Variants in PRRC2B observed in about 807,000 individuals in gnomAD.
PRRC2B encodes the protein protein PRRC2B.
PRRC2B carries 68 observed loss-of-function variants against 242.3 expected under a neutral mutation model. The ratio of observed to expected loss-of-function variants is 0.28; its 90% CI spans 0.23 to 0.34. The LOEUF is 0.34. Among genes scored for constraint, PRRC2B ranks in the 10% least tolerant of loss-of-function variants. The pLI, the probability that PRRC2B is intolerant of heterozygous loss-of-function variation, is 1.00. For missense variants in PRRC2B, 2,835 were observed against 2,954.8 expected, an observed-to-expected ratio of 0.96 and a Z score of 0.94; for synonymous variants, 1,228 against 1,173.6, an observed-to-expected ratio of 1.05 and a Z score of -0.95.
chr9:131,453,263 C>T lies in PRRC2B; in HGVS notation c.1121-1813C>T, dbSNP rs575833848. 1.8e-3 allele frequency among the ~76,000 whole-genome samples: 270 copies of T among 152,230 alleles called. 5 individuals are homozygous for T. The highest frequency in any genetic ancestry group is 3.5e-4 in the Non-Finnish European group (24 of 68,002). On this transcript the variant is annotated intron_variant, in intron 9 of 31. Coordinates refer to ENST00000683519, the MANE Select transcript of PRRC2B (RefSeq NM_013318.4). ...AGCGAAAATCTTTTTCCATTCTTTT[C>T]CTTTAAGCTCCTTTATGTTTGTATT...
At chr9:131,442,516 G>C (rs116264529) in intron 5 of PRRC2B, among the ~76,000 whole-genome samples, 2 of 152,124 alleles carry the variant, frequency 1.3e-5, no homozygotes, top group Non-Finnish European at 2.9e-5. Context: ...CAGTCTTACC[G>C]TCAGGTTTAT....
chr9:131,402,965 G>C lies in PRRC2B; in HGVS notation c.-52+8702G>C, dbSNP rs74875584. ...GAAGCCGGCGTCAACTTCCCGACACGCTTCAGGATCATCTCTTTGTATAGA... is the reference window on the plus strand; with the variant it reads ...GAAGCCGGCGTCAACTTCCCGACACCCTTCAGGATCATCTCTTTGTATAGA... On this transcript the variant is annotated intron_variant, in intron 1 of 31. Transcript: ENST00000683519. Among the ~76,000 whole-genome samples the C allele has an allele frequency of 9.3e-3, 1,417 of 152,310 alleles. 31 individuals are homozygous for C. Among genetic ancestry groups the C allele is most frequent in the African/African-American group, 0.032 (1,342 of 41,562 alleles).
intron 15 of PRRC2B, among the ~76,000 whole-genome samples, chr9:131,473,979 G>A (rs1049246993): frequency 2.0e-5 from 3 of 152,190 alleles, no homozygotes; most frequent in African/African-American, 7.2e-5. Flanking sequence ...TGGGCACAGG[G>A]CAGGCGGGTG....
chr9:131,445,121 C>G (rs949523300), intron 6 of PRRC2B, among the ~76,000 whole-genome samples: 1 of 152,016 alleles, frequency 6.6e-6, no homozygotes, highest in East Asian at 1.9e-4. Context: ...AACCAGCACT[C>G]ACTGCCTTTC....
chr9:131,413,636 G>T (rs899735298), intron 1 of PRRC2B, among the ~76,000 whole-genome samples: 10 of 150,876 alleles, frequency 6.6e-5, no homozygotes, highest in Admixed American at 6.6e-4. Flanking sequence ...AAAGTGCTGG[G>T]TTACAGGTGT....
chr9:131,405,193 ACAGTG>A (rs768485035), intron 1 of PRRC2B, among the ~76,000 whole-genome samples: 15 of 152,212 alleles, frequency 9.9e-5, no homozygotes, highest in Admixed American at 7.9e-4. Context: ...AGCTCCGTTC[ACAGTG>A]CAGAAGCGGC....
Position 131,475,096 on chromosome 9 carries a change from A to G in PRRC2B, c.2967A>G (p.Glu989=). 6.2e-7 allele frequency: 1 copy of G among 1,611,590 alleles called. No homozygotes were observed. Among genetic ancestry groups the G allele is most frequent in the Non-Finnish European group, 8.5e-7 (1 of 1,178,858 alleles). ...QSPTAEKDED[E]ENDASLANSS... is the part of the protein sequence containing the mutation. ...CCACGGCAGAAAAGGATGAGGACGA[A>G]GAGAACGATGCCTCTCTGGCCAACT... is the stretch of plus-strand genomic sequence containing the variant. Residue 989 remains glutamate (E), a synonymous_variant, in exon 16 of 32, where the codon GAA becomes GAG. Transcript: ENST00000683519.
At chr9:131,419,438 ACAGGTGCCTGGTCTACC>A (rs965282933) in intron 1 of PRRC2B, among the ~76,000 whole-genome samples, 40 of 152,196 alleles carry the variant, frequency 2.6e-4, no homozygotes, top group African/African-American at 9.7e-4. Context: ...AGGTAGAAGC[ACAGGTGCCTGGTCTACC>A]CAGCACCACC....
At chr9:131,407,449 GCTTGGCGTACCTGGGAATGCC>G (rs1837396417) in intron 1 of PRRC2B, among the ~76,000 whole-genome samples, 1 of 151,670 alleles carries the variant, frequency 6.6e-6, no homozygotes, top group Non-Finnish European at 1.5e-5. Context: ...TGAAGTCACA[GCTTGGCGTACCTGGGAATGCC>G]CTTGGCGTAG....
At chr9:131,393,232 T>C (rs370186748), upstream of PRRC2B, among the ~76,000 whole-genome samples, 8 of 152,322 alleles carry the variant, frequency 5.3e-5, no homozygotes, top group African/African-American at 1.7e-4. Flanking sequence ...GCATAGGGCA[T>C]GGCCCGCAGC....
At chr9:131,485,820 A>G in intron 25 of PRRC2B, 2 of 715,030 alleles carry the variant, frequency 2.8e-6, no homozygotes, top group South Asian at 1.4e-5. Flanking sequence ...GGGAGGTGGG[A>G]AGGGTAGGCC....
chr9:131,415,305 C>T lies in PRRC2B; in HGVS notation c.-51-14789C>T, dbSNP rs113737488. ...CCAACAGCAACTATCTTAATAAGAA[C>T]GTTCATTGACTCAAGTAATTGCAAG... On this transcript the variant is annotated intron_variant, in intron 1 of 31. Transcript: ENST00000683519. Among the ~76,000 whole-genome samples the T allele has an allele frequency of 4.5e-4, 69 of 152,296 alleles. 1 individual carries two copies. Among genetic ancestry groups the T allele is most frequent in the African/African-American group, 1.6e-3 (66 of 41,546 alleles).
chr9:131,464,234 G>C (rs1045477460), intron 11 of PRRC2B, among the ~76,000 whole-genome samples: 1 of 152,190 alleles, frequency 6.6e-6, no homozygotes, highest in African/African-American at 2.4e-5. Context: ...GAGCCACTGC[G>C]CCCAGCCAAC....
intron 25 of PRRC2B, 54 bp downstream of exon 25, chr9:131,485,194 A>G (rs1050952317): frequency 1.1e-5 from 15 of 1,401,006 alleles, no homozygotes; most frequent in African/African-American, 1.4e-5. Flanking sequence ...ATTATCAAGA[A>G]AAACGGATTA....
intron 12 of PRRC2B, among the ~76,000 whole-genome samples, chr9:131,465,544 T>C (rs1943371778): frequency 6.6e-6 from 1 of 152,196 alleles, no homozygotes; most frequent in Non-Finnish European, 1.5e-5. Flanking sequence ...ATTGAAACCA[T>C]GCATCTACTC....
chr9:131,482,577 C>G lies in PRRC2B; in HGVS notation c.5175+15C>G, dbSNP rs756147892. On this transcript the variant is annotated intron_variant, in intron 21 of 31. Transcript: ENST00000683519. The surrounding 1 kb of genome is among the most constrained non-coding windows in gnomAD (Gnocchi z 5.2). ...CTGAGCAGAAGGTAACCTGGACGTT[C>G]CAGTCACAGTGGCCAGGGCCTGGGT... The G allele has an allele frequency of 7.0e-6, 11 of 1,575,708 alleles. No individual in the cohort carries two copies. In the Middle Eastern group the frequency reaches 5.2e-4, roughly 74 times the overall value.
At chr9:131,463,799 T>TG (rs1251391750) in intron 11 of PRRC2B, among the ~76,000 whole-genome samples, 11 of 151,864 alleles carry the variant, frequency 7.2e-5, no homozygotes, top group Middle Eastern at 3.4e-3. Context: ...TCGTATTTTT[T>TG]TGGGGGGCTG....
At chr9:131,398,111 A>G (rs1331985401) in intron 1 of PRRC2B, among the ~76,000 whole-genome samples, 6 of 152,188 alleles carry the variant, frequency 3.9e-5, no homozygotes, top group South Asian at 4.1e-4. Flanking sequence ...CTGGTGAAAT[A>G]GAATTGTTTG....
In PRRC2B at chr9:131,446,503, A is replaced by G. The variant is rs779271143; in HGVS notation, c.716A>G (p.Asp239Gly). ...ELGSRNSSTG[D>G]GAPSSACTSD... is the part of the protein sequence containing the mutation. Reference sequence around the variant, plus strand: ...GGCAGCAGGAACTCGAGTACGGGAGATGGAGCCCCCTCCTCGGCATGTACC... The same window carrying G: ...GGCAGCAGGAACTCGAGTACGGGAGGTGGAGCCCCCTCCTCGGCATGTACC... Residue 239 changes from aspartate to glycine, a missense_variant, in exon 7 of 32, where the codon GAT (aspartate) becomes GGT (glycine). Coordinates refer to ENST00000683519, the MANE Select transcript of PRRC2B (RefSeq NM_013318.4). The surrounding 1 kb of genome is among the most constrained non-coding windows in gnomAD (Gnocchi z 4.1). The G allele has an allele frequency of 6.2e-7, 1 of 1,613,820 alleles. No individual in the cohort carries two copies. Among genetic ancestry groups the G allele is most frequent in the Non-Finnish European group, 8.5e-7 (1 of 1,179,854 alleles).
Sources: gnomAD v4.1 joint callset for allele counts (sites outside exome capture counted in the v4.1 genomes callset) on GRCh38, gnomAD v4.1.1 for gene constraint, Gnocchi (gnomAD v3.1) non-coding constraint, MANE v1.5 for transcripts, NCBI Gene and HGNC (gene_info 2026-07-23, HGNC 2026-07-21) for gene names.